The following PNN variants were observed in gnomAD, a reference collection of about 807,000 sequenced individuals.
PNN encodes pinin, desmosome associated protein, also known as pinin.
In PNN, 38 loss-of-function variants were observed where a neutral mutation model predicts 76.6. The ratio of observed to expected loss-of-function variants is 0.50; its 90% CI spans 0.38 to 0.65. PNN has a LOEUF of 0.65. Among genes scored for constraint, PNN ranks in the 30% least tolerant of loss-of-function variants. PNN has a pLI of 0.00. For synonymous variants in PNN, 366 were observed against 283.7 expected, an observed-to-expected ratio of 1.29 and a Z score of -2.91; for missense variants, 873 against 874.1, an observed-to-expected ratio of 1.00 and a Z score of 0.02.
intron 3 of PNN, 86 bp downstream of exon 3, chr14:39,176,681 T>C: frequency 3.5e-6 from 3 of 849,010 alleles, no homozygotes; most frequent in Middle Eastern, 2.8e-4. Flanking sequence ...TAATTCTGTT[T>C]CAGCAATATT....
In PNN at chr14:39,180,797, A is replaced by G. The variant is rs2053263504; in HGVS notation, c.1088A>G (p.Glu363Gly). The G allele has an allele frequency of 6.2e-7, 1 of 1,612,294 alleles. No homozygotes were observed. The highest frequency in any genetic ancestry group is 8.5e-7 in the Non-Finnish European group (1 of 1,179,018). Residue 363 changes from glutamate (E) to glycine (G), a missense_variant, in exon 9 of 9, where the codon GAG (glutamate) becomes GGG (glycine). Glu to Gly is a moderately conservative substitution (Grantham distance 98). This residue lies in a region of PNN where 712 missense variants were observed against 693.1 expected (regional missense o/e 1.03). Coordinates refer to ENST00000216832, the MANE Select transcript of PNN (RefSeq NM_002687.4). Reference sequence around the variant, plus strand: ...GAGGAAGAACAAAAACAGGAAATGGAGGTTAAGATGGAGGAGGAAACTGAG... The same window carrying G: ...GAGGAAGAACAAAAACAGGAAATGGGGGTTAAGATGGAGGAGGAAACTGAG... Reference protein sequence around the residue: ...QEEEEQKQEMEVKMEEETEVR... With the variant: ...QEEEEQKQEMGVKMEEETEVR...
chr14:39,177,835 C>A lies in PNN; in HGVS notation c.423-6C>A. On this transcript the variant is annotated splice_polypyrimidine_tract_variant and splice_region_variant and intron_variant, in intron 5 of 8. Transcript: ENST00000216832. ...TGACAGTAAATTTTCTTATTCTGTT[C>A]TTTAGGAACCGGCGAATATTTGGCT... The A allele has an allele frequency of 1.2e-6, 2 of 1,605,974 alleles. No homozygotes were observed. The highest frequency in any genetic ancestry group is 2.2e-5 in the South Asian group (2 of 90,632).
At chr14:39,178,725 A>AAG (rs1491528719) in intron 6 of PNN, among the ~76,000 whole-genome samples, 1 of 59,014 alleles carries the variant, frequency 1.7e-5, no homozygotes, top group Non-Finnish European at 3.2e-5. Flanking sequence ...TTACATAGTG[A>AAG]AAAAAAAAAA....
rs1179556433 is a variant in PNN, at chr14:39,177,690, ATT to A, written c.422+5_422+6del. On this transcript the variant is annotated splice_donor_5th_base_variant and intron_variant, in intron 5 of 8. Transcript: ENST00000216832. ...ATGGATGAAAAGGGAAAGCAAAGGT[ATT>A]TCCCTGGGGGAAAAAAACTCTAGTG... The A allele has an allele frequency of 6.3e-7, 1 of 1,599,382 alleles. No homozygotes were observed. Among genetic ancestry groups the A allele is most frequent in the Non-Finnish European group, 8.6e-7 (1 of 1,166,582 alleles).
At position 39,181,016 on chromosome 14, in the gene PNN, A is replaced by G; in HGVS notation, c.1307A>G (p.Asp436Gly). 6.2e-7 allele frequency: 1 copy of G among 1,613,024 alleles called. No individual in the cohort carries two copies. The highest frequency in any genetic ancestry group is 1.3e-5 in the African/African-American group (1 of 74,978). The change falls in exon 9 of 9, where the codon GAT becomes GGT. Residue 436 changes from aspartate (D) to glycine (G), a missense_variant. Physicochemically the swap from Asp to Gly is moderately conservative, Grantham distance 94 (BLOSUM62 -1). This residue lies in a region of PNN where 712 missense variants were observed against 693.1 expected (regional missense o/e 1.03). Transcript: ENST00000216832. Reference protein sequence around the residue: ...EPEMEFEIEPDKECKTLSPGK... With the variant: ...EPEMEFEIEPGKECKTLSPGK... ...GAAATGGAATTTGAAATTGAGCCAG[A>G]TAAAGAATGTAAAACCCTTTCTCCT...
In PNN at chr14:39,181,368, G is replaced by C. The variant is rs1391143154; in HGVS notation, c.1659G>C (p.Lys553Asn). The C allele has an allele frequency of 1.9e-6, 3 of 1,614,104 alleles. No individual in the cohort carries two copies. The highest frequency in any genetic ancestry group is 2.7e-5 in the African/African-American group (2 of 74,938). Reference protein sequence around the residue: ...EPVLTVHPESKSKTKTRSRSR... With the variant: ...EPVLTVHPESNSKTKTRSRSR... ...TCTTGACAGTACATCCAGAGAGCAA[G>C]AGCAAAACCAAAACTAGGAGCAGAA... Residue 553 changes from lysine to asparagine, a missense_variant, in exon 9 of 9, where the codon AAG becomes AAC. Coordinates refer to ENST00000216832, the MANE Select transcript of PNN (RefSeq NM_002687.4).
intron 1 of PNN, chr14:39,175,686 C>G (rs1300947925): frequency 6.2e-6 from 3 of 484,424 alleles, no homozygotes; most frequent in South Asian, 4.7e-5. Context: ...CCTGCAGGCC[C>G]GGAACTGCAG....
rs2053269656 is a variant in PNN, at chr14:39,181,495, TC to T, written c.1788del (p.Ser597AlafsTer64). ...SSTSSSSGSS[S>X]SSGSSSSRSS... ...AACCAGTAGCAGCAGTGGAAGTAGT[TC>T]CAGCAGTGGAAGTAGTAGCAGTCGC... On this transcript the variant is annotated frameshift_variant, in exon 9 of 9. Coordinates refer to ENST00000216832, the MANE Select transcript of PNN (RefSeq NM_002687.4). LOFTEE classifies it high-confidence loss of function. 2 of 1,602,428 alleles carry T rather than the reference TC, an allele frequency of 1.2e-6. No homozygotes were observed. The highest frequency in any genetic ancestry group is 1.1e-5 in the South Asian group (1 of 90,260).
chr14:39,178,700 G>A (rs972465364), intron 6 of PNN, among the ~76,000 whole-genome samples: 13 of 146,772 alleles, frequency 8.9e-5, no homozygotes, highest in Non-Finnish European at 1.6e-4. Context: ...CACTGTGCCC[G>A]GCCTGCAGAT....
At position 39,181,492 on chromosome 14, in the gene PNN, A is replaced by G; in HGVS notation, c.1783A>G (p.Ser595Gly). The change falls in exon 9 of 9, where the codon AGT (serine) becomes GGT (glycine). Residue 595 changes from serine (S) to glycine (G), a missense_variant. Ser to Gly is a moderately conservative substitution (Grantham distance 56, BLOSUM62 0). Transcript: ENST00000216832. ...TTCAACCAGTAGCAGCAGTGGAAGT[A>G]GTTCCAGCAGTGGAAGTAGTAGCAG... ...SSSTSSSSGS[S>G]SSSGSSSSRS... 1 of 1,602,736 alleles carries G rather than the reference A, an allele frequency of 6.2e-7. No homozygotes were observed. The highest frequency in any genetic ancestry group is 1.1e-5 in the South Asian group (1 of 90,258).
chr14:39,181,422 C>T lies in PNN; in HGVS notation c.1713C>T (p.Ser571=), dbSNP rs765550420. ...GAGGTCGAGCTAGAAATAAAACAAGCAAGAGTAGAAGTCGAAGCAGTAGCA... is the reference window on the plus strand; with the variant it reads ...GAGGTCGAGCTAGAAATAAAACAAGTAAGAGTAGAAGTCGAAGCAGTAGCA... The part of the protein sequence containing the change: ...RSRGRARNKT[S]KSRSRSSSSS... Residue 571 remains serine (S), a synonymous_variant, in exon 9 of 9, where the codon AGC becomes AGT. Transcript: ENST00000216832. 1.2e-6 allele frequency: 2 copies of T among 1,614,124 alleles called. No individual in the cohort carries two copies. The highest frequency in any genetic ancestry group is 1.7e-5 in the Admixed American group (1 of 60,004).
In PNN at chr14:39,181,943, A is replaced by G; in HGVS notation, c.*80A>G. On this transcript the variant is annotated 3_prime_UTR_variant, in exon 9 of 9. Coordinates refer to ENST00000216832, the MANE Select transcript of PNN (RefSeq NM_002687.4). ...AAAAGGATTACCTTTCCTTGTAAAG[A>G]GGATGCTGCCTTAAGAATTGCATGT... 7.4e-7 allele frequency: 1 copy of G among 1,355,584 alleles called. No individual in the cohort carries two copies. Among genetic ancestry groups the G allele is most frequent in the Non-Finnish European group, 9.9e-7 (1 of 1,010,478 alleles). 84.0% of individuals were successfully genotyped at this position (1,355,584 alleles called of 1,614,324 possible). A position where few individuals can be genotyped will look rare whatever the true frequency, so the allele number is the denominator to read the frequency against.
chr14:39,181,093 G>A lies in PNN; in HGVS notation c.1384G>A (p.Glu462Lys). Reference protein sequence around the residue: ...LDMEKESEEKEEKESEPQPEP... With the variant: ...LDMEKESEEKKEKESEPQPEP... ...CATGGAAAAGGAGTCTGAGGAAAAA[G>A]AAGAAAAAGAATCTGAGCCCCAACC... The change falls in exon 9 of 9, where the codon GAA becomes AAA. Residue 462 changes from glutamate to lysine, a missense_variant. Coordinates refer to ENST00000216832, the MANE Select transcript of PNN (RefSeq NM_002687.4). The A allele has an allele frequency of 6.2e-7, 1 of 1,613,010 alleles. No homozygotes were observed. The highest frequency in any genetic ancestry group is 1.3e-5 in the African/African-American group (1 of 74,978).
In PNN at chr14:39,181,160, T is replaced by G; in HGVS notation, c.1451T>G (p.Leu484Arg). The change falls in exon 9 of 9, where the codon CTT becomes CGT. Residue 484 changes from leucine to arginine, a missense_variant. Transcript: ENST00000216832. ...AQPQPQSQPQ[L>R]QLQSQSQPVL... Reference sequence around the variant, plus strand: ...CCTCAGCCTCAGTCTCAGCCCCAGCTTCAGCTTCAATCCCAGTCCCAACCA... The same window carrying G: ...CCTCAGCCTCAGTCTCAGCCCCAGCGTCAGCTTCAATCCCAGTCCCAACCA... 3 of 1,606,870 alleles carry G rather than the reference T, an allele frequency of 1.9e-6. No individual in the cohort carries two copies. The highest frequency in any genetic ancestry group is 2.6e-6 in the Non-Finnish European group (3 of 1,173,506).
Position 39,178,824 on chromosome 14 carries a change from G to A in PNN, c.499-267G>A, listed in dbSNP as rs777379874. ...GTGATCTCAGCTCACTGCAACCTCC[G>A]CCTCTGGGGTTCAAGTGATTTCTCC... On this transcript the variant is annotated intron_variant, in intron 6 of 8. Transcript: ENST00000216832. 7.9e-5 allele frequency among the ~76,000 whole-genome samples: 12 copies of A among 151,084 alleles called. 1 individual carries two copies. The highest frequency in any genetic ancestry group is 4.2e-4 in the South Asian group (2 of 4,778).
chr14:39,177,256 C>T (rs1316744760), intron 3 of PNN, among the ~76,000 whole-genome samples, 156 bp from the exon 4 acceptor site: 1 of 152,166 alleles, frequency 6.6e-6, no homozygotes, highest in Admixed American at 6.5e-5. Flanking sequence ...CATGCTGGCT[C>T]ACGCCTGTAG....
rs1476767658 is a variant in PNN at position 39,175,316 on chromosome 14, G to C, written c.37G>C (p.Glu13Gln). 6.2e-7 allele frequency: 1 copy of C among 1,610,694 alleles called. No homozygotes were observed. The highest frequency in any genetic ancestry group is 1.3e-5 in the African/African-American group (1 of 74,878). ...VAVRTLQEQL[E>Q]KAKESLKNVD... ...CGTGAGAACTTTGCAGGAACAGCTGGAAAAGGCCAAAGAGAGTCTTAAGAA... is the reference window on the plus strand; with the variant it reads ...CGTGAGAACTTTGCAGGAACAGCTGCAAAAGGCCAAAGAGAGTCTTAAGAA... The change falls in exon 1 of 9, where the codon GAA (glutamate) becomes CAA (glutamine). Residue 13 changes from glutamate to glutamine, a missense_variant. By Grantham distance (29) the Glu-to-Gln change is conservative. This residue lies in a region of PNN where 156 missense variants were observed against 161.7 expected (regional missense o/e 0.96). Transcript: ENST00000216832.
At chr14:39,177,751 G>A in intron 5 of PNN, 64 bp downstream of exon 5, 1 of 1,455,610 alleles carries the variant, frequency 6.9e-7, no homozygotes, top group Non-Finnish European at 9.7e-7. Context: ...TCAAGGGATT[G>A]TTCAAGCATC....
rs1253789515 is a variant in PNN at position 39,181,194 on chromosome 14, G to A, written c.1485G>A (p.Gln495=). 1 of 1,612,088 alleles carries A rather than the reference G, an allele frequency of 6.2e-7. No individual in the cohort carries two copies. Among genetic ancestry groups the A allele is most frequent in the East Asian group, 2.2e-5 (1 of 44,876 alleles). Residue 495 remains glutamine (Q), a synonymous_variant, in exon 9 of 9, where the codon CAG becomes CAA. Transcript: ENST00000216832. The part of the protein sequence containing the change: ...QLQSQSQPVL[Q]SQPPSQPEDL... ...AATCCCAGTCCCAACCAGTACTCCA[G>A]TCCCAGCCTCCCTCTCAGCCTGAGG...
Sources: allele counts gnomAD v4.1 joint callset (sites outside exome capture counted in the v4.1 genomes callset), GRCh38; gene constraint gnomAD v4.1.1; regional missense constraint gnomAD v4.1.1; transcripts MANE v1.5; gene names NCBI Gene and HGNC (gene_info 2026-07-23, HGNC 2026-07-21).